Variants in GAK observed in about 807,000 individuals in gnomAD.
GAK encodes the protein cyclin G associated kinase, also known as cyclin-G-associated kinase.
Under a neutral mutation model 143.9 loss-of-function variants are expected in GAK, and 79 were observed. The observed-to-expected ratio is 0.55, with a 90% CI of 0.46 to 0.66. GAK has a LOEUF of 0.66. GAK is among the 30% of genes least tolerant of loss of function. GAK has a pLI of 0.00. For synonymous variants in GAK, 881 were observed against 765.5 expected, an observed-to-expected ratio of 1.15 and a Z score of -2.49; for missense variants, 1,693 against 1,779.7, an observed-to-expected ratio of 0.95 and a Z score of 0.88.
At chr4:894,199 G>T in intron 7 of GAK, 190 bp from the exon 8 acceptor site, 1 of 524,102 alleles carries the variant, frequency 1.9e-6, no homozygotes, top group Non-Finnish European at 2.9e-6. Context: ...CATGGGAAAT[G>T]CAGGGGTGAC....
intron 24 of GAK, among the ~76,000 whole-genome samples, chr4:858,254 C>T (rs1325036583): frequency 2.0e-5 from 3 of 152,218 alleles, no homozygotes; most frequent in Non-Finnish European, 4.4e-5. Context: ...GTGCTGACGT[C>T]GCCAGCTATG....
chr4:910,353 C>T (rs1721829297), intron 4 of GAK, among the ~76,000 whole-genome samples: 1 of 127,314 alleles, frequency 7.9e-6, no homozygotes, highest in Admixed American at 7.9e-5. Context: ...GCCCCCCCAA[C>T]TAAATGCAGG....
rs1265374625 is a variant in GAK at position 867,100 on chromosome 4, G to C, written c.2728C>G (p.Leu910Val). 6 of 1,570,838 alleles carry C rather than the reference G, an allele frequency of 3.8e-6. No homozygotes were observed. In the Admixed American group the frequency reaches 1.1e-4, roughly 28 times the overall value. Reference protein sequence around the residue: ...ACKAPSSNTDLLSCLLGPPEA... With the variant: ...ACKAPSSNTDVLSCLLGPPEA... ...GGGGGCCCAAGGAGGCAGCTGAGCA[G>C]GTCGGTGTTGCTGGAGGGGGCCTTG... Residue 910 changes from leucine to valine, a missense_variant, in exon 21 of 28, where the codon CTG becomes GTG. Leu to Val is a conservative substitution (Grantham distance 32). Coordinates refer to ENST00000314167, the MANE Select transcript of GAK (RefSeq NM_005255.4).
intron 7 of GAK, 53 bp from the exon 8 acceptor site, chr4:894,062 GC>G (rs1718234689): frequency 2.1e-6 from 3 of 1,459,018 alleles, no homozygotes; most frequent in Admixed American, 4.7e-5. Context: ...CAGGGGTGAC[GC>G]CTGGGCCTGC....
At position 876,556 on chromosome 4, in the gene GAK, C is replaced by A. The variant is rs1480050356; in HGVS notation, c.2028G>T (p.Arg676=). ...QIQFHTGFVP[R]NATTVKFAKY... ...TGGCAAATTTCACAGTGGTGGCGTT[C>A]CGAGGCACAAACCCCGTGTGGAACT... Residue 676 remains arginine (R), a synonymous_variant, in exon 18 of 28, where the codon CGG becomes CGT. Transcript: ENST00000314167. The A allele has an allele frequency of 6.2e-7, 1 of 1,614,194 alleles. No homozygotes were observed. The highest frequency in any genetic ancestry group is 1.7e-5 in the Admixed American group (1 of 60,034).
chr4:907,816 A>C (rs1721349609), intron 4 of GAK, among the ~76,000 whole-genome samples: 1 of 152,208 alleles, frequency 6.6e-6, no homozygotes, highest in Non-Finnish European at 1.5e-5. Flanking sequence ...AGAGCCCTGC[A>C]GCTCAGCTCT....
chr4:914,209 CA>C (rs1313630432), intron 1 of GAK, among the ~76,000 whole-genome samples: 1 of 64,280 alleles, frequency 1.6e-5, no homozygotes. Flanking sequence ...CCAGCGTGCA[CA>C]GCCCCCACAC....
intron 19 of GAK, 45 bp from the exon 20 acceptor site, chr4:868,730 C>A: frequency 6.5e-7 from 1 of 1,533,584 alleles, no homozygotes; most frequent in South Asian, 1.2e-5. Context: ...TGGCCAGCAG[C>A]CTCGGGGCAA....
chr4:929,927 G>T (rs1725402358), intron 1 of GAK, among the ~76,000 whole-genome samples: 1 of 152,202 alleles, frequency 6.6e-6, no homozygotes, highest in Admixed American at 6.5e-5. Flanking sequence ...CCCACAGTGA[G>T]AATATTTATT....
chr4:874,250 A>G, intron 18 of GAK, among the ~76,000 whole-genome samples: 1 of 152,210 alleles, frequency 6.6e-6, no homozygotes, highest in Non-Finnish European at 1.5e-5. Flanking sequence ...AACAGGTTTT[A>G]AAACCCACAG....
chr4:851,083 A>G lies in GAK; in HGVS notation c.3510T>C (p.Ala1170=). Residue 1170 remains alanine, a splice_region_variant and synonymous_variant, in exon 26 of 28, where the codon GCT becomes GCC. Transcript: ENST00000314167. ...EERGVRAPSF[A]QKPKVSENDF... is the part of the protein sequence containing the mutation. The stretch of plus-strand genomic sequence containing the variant: ...CGTTCTCAGAGACTTTTGGCTTTTG[A>G]GCTAGAAAAGAACAGAAACTTTTTT... 2 of 1,612,866 alleles carry G rather than the reference A, an allele frequency of 1.2e-6. No homozygotes were observed. Among genetic ancestry groups the G allele is most frequent in the South Asian group, 1.1e-5 (1 of 91,018 alleles).
chr4:912,338 A>C, intron 3 of GAK: 1 of 368,842 alleles, frequency 2.7e-6, no homozygotes, highest in Non-Finnish European at 5.4e-6. Context: ...AAGGGACGAG[A>C]GGGGCGGCTG....
chr4:862,801 T>C (rs1750533561), intron 23 of GAK, among the ~76,000 whole-genome samples: 1 of 152,216 alleles, frequency 6.6e-6, no homozygotes, highest in Non-Finnish European at 1.5e-5. Flanking sequence ...AGAAAAAAGA[T>C]TCCTTTCAAA....
At chr4:914,500 C>A (rs1416123639) in intron 1 of GAK, among the ~76,000 whole-genome samples, 1 of 95,558 alleles carries the variant, frequency 1.0e-5, no homozygotes, top group Non-Finnish European at 2.1e-5. Context: ...CCAGCGTGCA[C>A]GGCCCCACAC....
intron 15 of GAK, 140 bp from the exon 16 acceptor site, chr4:877,949 G>A (rs896130077): frequency 1.6e-6 from 1 of 636,112 alleles, no homozygotes; most frequent in South Asian, 2.3e-5. Context: ...CAAATCTGAT[G>A]TTATAATTTT....
chr4:867,370 T>A lies in GAK; in HGVS notation c.2458A>T (p.Met820Leu), dbSNP rs1286228750. 6.3e-7 allele frequency: 1 copy of A among 1,595,030 alleles called. No individual in the cohort carries two copies. The highest frequency in any genetic ancestry group is 2.3e-5 in the East Asian group (1 of 44,398). ...ACCTCACTCTCGTCTCTGTCCTCCA[T>A]CAGGGCAGACTCGCTCTCCTTGGAA... The part of the protein sequence containing the change: ...ASSKESESAL[M>L]EDRDESEVSD... The change falls in exon 21 of 28, where the codon ATG (methionine) becomes TTG (leucine). Residue 820 changes from methionine to leucine, a missense_variant. By Grantham distance (15) the Met-to-Leu change is conservative (BLOSUM62 2). This residue lies in a region of GAK where 822 missense variants were observed against 788.7 expected (regional missense o/e 1.04). Coordinates refer to ENST00000314167, the MANE Select transcript of GAK (RefSeq NM_005255.4).
chr4:925,371 G>C (rs753797835), intron 1 of GAK, among the ~76,000 whole-genome samples: 2 of 152,164 alleles, frequency 1.3e-5, no homozygotes, highest in African/African-American at 4.8e-5. Flanking sequence ...ACCAGGATGC[G>C]TGTAGGATGC....
Position 849,434 on chromosome 4 carries a change from AT to A in GAK, c.*238del. 1.8e-6 allele frequency: 1 copy of A among 554,806 alleles called. No individual in the cohort carries two copies. The highest frequency in any genetic ancestry group is 3.2e-6 in the Non-Finnish European group (1 of 308,106). 34.4% of individuals were successfully genotyped at this position (554,806 alleles called of 1,614,324 possible). A position where few individuals can be genotyped will look rare whatever the true frequency, so the allele number is the denominator to read the frequency against. On this transcript the variant is annotated 3_prime_UTR_variant, in exon 28 of 28. Transcript: ENST00000314167. The stretch of plus-strand genomic sequence containing the variant: ...CACCAAATAAATCACAGACGTGACA[AT>A]TGCGGGAGGAGCATGAATCAGCTGT...
chr4:917,313 C>T (rs191682827), intron 1 of GAK, among the ~76,000 whole-genome samples: 109 of 150,118 alleles, frequency 7.3e-4, no homozygotes, highest in African/African-American at 2.4e-3. Flanking sequence ...TCTATAGTAA[C>T]AGAAGGCCAA....
Sources: allele counts gnomAD v4.1 joint callset (sites outside exome capture counted in the v4.1 genomes callset), GRCh38; gene constraint gnomAD v4.1.1; regional missense constraint gnomAD v4.1.1; transcripts MANE v1.5; gene names NCBI Gene and HGNC (gene_info 2026-07-23, HGNC 2026-07-21).